DACH1: variants seen among roughly 807,000 people sequenced by gnomAD.
The protein encoded by DACH1 is dachshund family transcription factor 1.
In DACH1, 12 loss-of-function variants were observed where a neutral mutation model predicts 54.2. The ratio of observed to expected loss-of-function variants is 0.22; its 90% CI spans 0.14 to 0.36. The LOEUF is 0.36. Ranked by LOEUF, DACH1 falls within the 10% of genes least tolerant of loss-of-function variation. The pLI is 1.00. For missense variants in DACH1, 805 were observed against 929.8 expected (o/e 0.87, Z 1.75); for synonymous variants, 386 against 366.2 (o/e 1.05, Z -0.62).
intron 6 of DACH1, among the ~76,000 whole-genome samples, chr13:71,519,010 C>CATCT (rs879944973): frequency 1.3e-5 from 2 of 151,898 alleles, no homozygotes; most frequent in Non-Finnish European, 2.9e-5. Context: ...ATACCATATA[C>CATCT]ATCTGGTTTC....
chr13:71,612,451 T>A (rs1462117743), intron 3 of DACH1, among the ~76,000 whole-genome samples: 1 of 152,070 alleles, frequency 6.6e-6, no homozygotes, highest in Non-Finnish European at 1.5e-5. Flanking sequence ...AACTCAAATT[T>A]CTAGATTTCT....
At chr13:71,846,224 C>G (rs1873247616) in intron 1 of DACH1, 1 of 247,260 alleles carries the variant, frequency 4.0e-6, no homozygotes, top group Non-Finnish European at 8.4e-6. Flanking sequence ...CGCACGGAAA[C>G]AGCGGCATGG....
chr13:71,601,592 T>G (rs1225215092), intron 3 of DACH1, among the ~76,000 whole-genome samples: 2 of 151,968 alleles, frequency 1.3e-5, no homozygotes, highest in Non-Finnish European at 2.9e-5. Flanking sequence ...AGGAACAAAA[T>G]CTCTGCCCGT....
chr13:71,518,804 T>G (rs2138275161), intron 6 of DACH1, among the ~76,000 whole-genome samples: 1 of 151,970 alleles, frequency 6.6e-6, no homozygotes, highest in African/African-American at 2.4e-5. Flanking sequence ...GTAGGCAAAC[T>G]ATGGACCATA....
Position 71,866,491 on chromosome 13 carries a change from G to T in DACH1, c.279C>A (p.Gly93=). Reference sequence around the variant, plus strand: ...TGCCACCGCCGCCGCCGCCACCGCCGCCTCCGTTGCCGCTGCTGCCGCCGC... The same window carrying T: ...TGCCACCGCCGCCGCCGCCACCGCCTCCTCCGTTGCCGCTGCTGCCGCCGC... The part of the protein sequence containing the change: ...GGGGGSSGNG[G]GGGGGGGGSN... Residue 93 remains glycine (G), a synonymous_variant, in exon 1 of 11, where the codon GGC becomes GGA. Coordinates refer to ENST00000613252, the MANE Select transcript of DACH1 (RefSeq NM_080759.6). 1 of 1,238,826 alleles carries T rather than the reference G, an allele frequency of 8.1e-7. No individual in the cohort carries two copies. The highest frequency in any genetic ancestry group is 1.0e-6 in the Non-Finnish European group (1 of 988,460). 76.7% of individuals were successfully genotyped at this position (1,238,826 alleles called of 1,614,324 possible).
chr13:71,823,035 C>A (rs898920203), intron 1 of DACH1, among the ~76,000 whole-genome samples: 12 of 152,034 alleles, frequency 7.9e-5, no homozygotes, highest in African/African-American at 2.7e-4. Context: ...AGCACCAACA[C>A]AAAAGCGGTG....
intron 1 of DACH1, among the ~76,000 whole-genome samples, chr13:71,834,690 T>C (rs991137423): frequency 5.5e-5 from 8 of 144,990 alleles, no homozygotes; most frequent in Non-Finnish European, 1.0e-4. Context: ...AACATTTAAG[T>C]GGCATCTGAT....
chr13:71,709,015 A>G (rs1462877760), intron 1 of DACH1, among the ~76,000 whole-genome samples: 24 of 151,208 alleles, frequency 1.6e-4, no homozygotes, highest in Admixed American at 1.2e-3. Context: ...ACCATGCCCG[A>G]CTAATTTTTT....
At chr13:71,632,384 C>T (rs1214608307) in intron 2 of DACH1, among the ~76,000 whole-genome samples, 2 of 149,224 alleles carry the variant, frequency 1.3e-5, no homozygotes, top group East Asian at 2.0e-4. Flanking sequence ...AACCTTAAGT[C>T]TATGAGAAGA....
chr13:71,446,662 G>A (rs1372170369), intron 10 of DACH1, among the ~76,000 whole-genome samples: 3 of 152,070 alleles, frequency 2.0e-5, no homozygotes, highest in African/African-American at 7.2e-5. Context: ...ACTGTCCCTG[G>A]AAAAAATATG....
Position 71,591,171 on chromosome 13 carries a change from G to A in DACH1, c.1127-18159C>T, listed in dbSNP as rs147988707. On this transcript the variant is annotated intron_variant, in intron 3 of 10. Coordinates refer to ENST00000613252, the MANE Select transcript of DACH1 (RefSeq NM_080759.6). ...TAGGATTACAGGCATGAGCTGTTGC[G>A]ACCGGCCTCAATTTCCCAGTTTTTC... Among the ~76,000 whole-genome samples, 592 of 151,820 alleles carry A rather than the reference G, an allele frequency of 3.9e-3. 4 individuals are homozygous for A. The highest frequency in any genetic ancestry group is 6.6e-3 in the Non-Finnish European group (448 of 67,916).
chr13:71,657,140 C>T (rs1452208453), intron 2 of DACH1, among the ~76,000 whole-genome samples: 1 of 151,136 alleles, frequency 6.6e-6, no homozygotes, highest in Non-Finnish European at 1.5e-5. Flanking sequence ...ACTTAGAGTC[C>T]TCATTTTATT....
At chr13:71,487,594 A>G (rs950683278) in intron 7 of DACH1, among the ~76,000 whole-genome samples, 1 of 152,176 alleles carries the variant, frequency 6.6e-6, no homozygotes, top group Non-Finnish European at 1.5e-5. Context: ...TGCTCTTCAG[A>G]TGAGCATGCT....
chr13:71,696,239 G>T (rs964478888), intron 1 of DACH1, among the ~76,000 whole-genome samples: 2 of 152,048 alleles, frequency 1.3e-5, no homozygotes, highest in Admixed American at 6.6e-5. Flanking sequence ...GAAATCATGA[G>T]ATCTAATAAT....
intron 1 of DACH1, among the ~76,000 whole-genome samples, chr13:71,784,539 T>C (rs1317968657): frequency 6.6e-6 from 1 of 152,104 alleles, no homozygotes. Flanking sequence ...TATGTTTGGC[T>C]TCACAAACTG....
chr13:71,735,144 A>G (rs1883967700), intron 1 of DACH1, among the ~76,000 whole-genome samples: 1 of 151,336 alleles, frequency 6.6e-6, no homozygotes, highest in Non-Finnish European at 1.5e-5. Context: ...GGATACTCGT[A>G]TATGGTTTAT....
Position 71,700,735 on chromosome 13 carries a change from G to A in DACH1, c.849-18825C>T, listed in dbSNP as rs184911718. The stretch of plus-strand genomic sequence containing the variant: ...ACAGATATAGTAATACTGTAATATG[G>A]CAAGAAAGAAGATGTTCTTACCTCC... On this transcript the variant is annotated intron_variant, in intron 1 of 10. Coordinates refer to ENST00000613252, the MANE Select transcript of DACH1 (RefSeq NM_080759.6). Among the ~76,000 whole-genome samples the A allele has an allele frequency of 2.0e-4, 31 of 152,150 alleles. 1 individual carries two copies. The highest frequency in any genetic ancestry group is 1.7e-3 in the Admixed American group (26 of 15,280).
At chr13:71,783,964 T>TAAAAAAAAAAAA (rs35579396) in intron 1 of DACH1, among the ~76,000 whole-genome samples, 2 of 116,192 alleles carry the variant, frequency 1.7e-5, no homozygotes, top group African/African-American at 3.3e-5. Context: ...CTCCAAGGTT[T>TAAAAAAAAAAAA]AAAAAAAAAA....
intron 2 of DACH1, among the ~76,000 whole-genome samples, chr13:71,632,740 T>C (rs557504847): frequency 1.3e-5 from 2 of 152,232 alleles, no homozygotes; most frequent in South Asian, 2.1e-4. Flanking sequence ...GACCTTCAGA[T>C]TGGGTCTTTA....
Sources: allele counts gnomAD v4.1 joint callset (sites outside exome capture counted in the v4.1 genomes callset), GRCh38; gene constraint gnomAD v4.1.1; transcripts MANE v1.5; gene names NCBI Gene and HGNC (gene_info 2026-07-23, HGNC 2026-07-21).